Variants in TMEM131 observed in about 807,000 individuals in gnomAD.
The protein encoded by TMEM131 is transmembrane protein 131.
TMEM131 carries 66 observed loss-of-function variants against 211.6 expected under a neutral mutation model. That is an observed-to-expected ratio of 0.31 (90% CI 0.26 to 0.38). TMEM131 has a LOEUF of 0.38. Among genes scored for constraint, TMEM131 ranks in the 10% least tolerant of loss-of-function variants. The pLI, the probability that TMEM131 is intolerant of heterozygous loss-of-function variation, is 1.00. For synonymous variants in TMEM131, 844 were observed against 841.3 expected, an observed-to-expected ratio of 1.00 and a Z score of -0.06; for missense variants, 2,036 against 2,299.3, an observed-to-expected ratio of 0.89 and a Z score of 2.34.
Position 97,757,110 on chromosome 2 carries a change from G to C in TMEM131, c.5641C>G (p.His1881Asp). ...GTTTTTTGCTTAATTTAATTCTCGT[G>C]AGGAAAGTGCGAATTAGACCAAGGG... is the stretch of plus-strand genomic sequence containing the variant. ...SDPWSNSHFP[H>D]EN Residue 1881 changes from histidine (H) to aspartate (D), a missense_variant, in exon 41 of 41, where the codon CAC (histidine) becomes GAC (aspartate). By Grantham distance (81) the His-to-Asp change is moderately conservative. Coordinates refer to ENST00000186436, the MANE Select transcript of TMEM131 (RefSeq NM_015348.2). 4 of 1,593,742 alleles carry C rather than the reference G, an allele frequency of 2.5e-6. No individual in the cohort carries two copies. The highest frequency in any genetic ancestry group is 3.4e-6 in the Non-Finnish European group (4 of 1,166,936).
chr2:97,769,329 TTTTC>T (rs1273825255), intron 33 of TMEM131, among the ~76,000 whole-genome samples: 1 of 152,180 alleles, frequency 6.6e-6, no homozygotes, highest in Non-Finnish European at 1.5e-5. Flanking sequence ...ATAATAATGT[TTTTC>T]TTTTTCTTAA....
At position 97,995,727 on chromosome 2, in the gene TMEM131, G is replaced by T; in HGVS notation, c.-65C>A. On this transcript the variant is annotated 5_prime_UTR_variant, in exon 1 of 41. Coordinates refer to ENST00000186436, the MANE Select transcript of TMEM131 (RefSeq NM_015348.2). ...GGCCCTTCTCGGCGAGGCGGCGGCG[G>T]CGCGGAAGCCGTGGTCCGGGCTCTG... is the stretch of plus-strand genomic sequence containing the variant. 8.9e-7 allele frequency: 1 copy of T among 1,125,962 alleles called. No individual in the cohort carries two copies. The highest frequency in any genetic ancestry group is 1.1e-6 in the Non-Finnish European group (1 of 911,504). 69.7% of individuals were successfully genotyped at this position (1,125,962 alleles called of 1,614,324 possible).
intron 35 of TMEM131, 101 bp downstream of exon 35, chr2:97,766,013 A>G: frequency 2.7e-6 from 4 of 1,457,290 alleles, no homozygotes; most frequent in Non-Finnish European, 2.8e-6. Context: ...AGCACTGTCA[A>G]TGGGTATTTT....
Position 97,812,402 on chromosome 2 carries a change from C to A in TMEM131, c.1863+19G>T, listed in dbSNP as rs773648011. 4.0e-5 allele frequency: 64 copies of A among 1,592,780 alleles called. No individual in the cohort carries two copies. Among genetic ancestry groups the A allele is most frequent in the Non-Finnish European group, 5.4e-5 (63 of 1,172,892 alleles). ...AGACATCCATCTTACTTTAAGGAGA[C>A]AATAGAAAGTTTACTTACCGATGAT... On this transcript the variant is annotated intron_variant, in intron 17 of 40. Coordinates refer to ENST00000186436, the MANE Select transcript of TMEM131 (RefSeq NM_015348.2).
intron 7 of TMEM131, among the ~76,000 whole-genome samples, chr2:97,841,309 G>C (rs902822544): frequency 6.6e-6 from 1 of 152,206 alleles, no homozygotes; most frequent in Non-Finnish European, 1.5e-5. Flanking sequence ...ATTACTGCTA[G>C]AAGATTAGGT....
chr2:97,995,105 G>C (rs1402385158), intron 1 of TMEM131, among the ~76,000 whole-genome samples: 3 of 152,234 alleles, frequency 2.0e-5, no homozygotes, highest in Non-Finnish European at 4.4e-5. Context: ...ACATTTTAAA[G>C]TAAGCTCTGT....
At position 97,809,128 on chromosome 2, in the gene TMEM131, G is replaced by A. The variant is rs559752443; in HGVS notation, c.2055+560C>T. 5.3e-5 allele frequency among the ~76,000 whole-genome samples: 8 copies of A among 152,286 alleles called. No homozygotes were observed. In the South Asian group the frequency reaches 1.2e-3, roughly 24 times the overall value. On this transcript the variant is annotated intron_variant, in intron 19 of 40. Transcript: ENST00000186436. The stretch of plus-strand genomic sequence containing the variant: ...TAAAGCTCAGCTCTGATGATGTCAA[G>A]TCTTCACTCAAAAACTTCATATTCC...
chr2:97,950,106 C>A (rs1678233892), intron 1 of TMEM131, among the ~76,000 whole-genome samples: 1 of 151,992 alleles, frequency 6.6e-6, no homozygotes, highest in Admixed American at 6.6e-5. Flanking sequence ...ACAGAATATC[C>A]AAAATTTCAG....
At chr2:97,766,015 G>A (rs546369038) in intron 35 of TMEM131, 99 bp downstream of exon 35, 1 of 1,460,768 alleles carries the variant, frequency 6.8e-7, no homozygotes, top group South Asian at 1.3e-5. Context: ...CACTGTCAAT[G>A]GGTATTTTAA....
intron 3 of TMEM131, 57 bp downstream of exon 3, chr2:97,908,601 C>A: frequency 7.6e-7 from 1 of 1,312,690 alleles, no homozygotes; most frequent in South Asian, 1.3e-5. Context: ...GGGAGAACCA[C>A]AGGAATCCCC....
At chr2:97,924,453 C>G (rs1030080771) in intron 2 of TMEM131, among the ~76,000 whole-genome samples, 2 of 152,146 alleles carry the variant, frequency 1.3e-5, no homozygotes, top group African/African-American at 4.8e-5. Flanking sequence ...CTCTGGACCT[C>G]CAAGGTCAGG....
At chr2:97,793,094 G>C in intron 30 of TMEM131, 110 bp from the exon 31 acceptor site, 1 of 806,426 alleles carries the variant, frequency 1.2e-6, no homozygotes, top group Non-Finnish European at 1.9e-6. Flanking sequence ...ACTACACTAG[G>C]GAAAAAATAG....
Position 97,841,947 on chromosome 2 carries a change from T to C in TMEM131, c.601-10A>G, listed in dbSNP as rs10197740. ...CTCCAACACCAAATACCTGTTTCAG[T>C]GGAGGAAAAAAATGCAATTTTAGTT... On this transcript the variant is annotated splice_polypyrimidine_tract_variant and intron_variant, in intron 6 of 40. Transcript: ENST00000186436. 5 of 1,519,296 alleles carry C rather than the reference T, an allele frequency of 3.3e-6. No individual in the cohort carries two copies. Among genetic ancestry groups the C allele is most frequent in the Non-Finnish European group, 4.4e-6 (5 of 1,128,912 alleles). 94.1% of individuals were successfully genotyped at this position (1,519,296 alleles called of 1,614,324 possible). A position where few individuals can be genotyped will look rare whatever the true frequency, so the allele number is the denominator to read the frequency against.
At chr2:97,796,432 C>CTAA in intron 27 of TMEM131, 28 bp from the exon 28 acceptor site, 1 of 1,381,804 alleles carries the variant, frequency 7.2e-7, no homozygotes, top group Non-Finnish European at 9.8e-7. Flanking sequence ...AGGAATAAGA[C>CTAA]TAAATCTTGC....
chr2:97,827,068 C>CAA (rs66841026), intron 11 of TMEM131, among the ~76,000 whole-genome samples: 292 of 93,614 alleles, frequency 3.1e-3, no homozygotes, highest in Admixed American at 0.012. Context: ...AAGTGATAAG[C>CAA]AAAAAAAAAA....
intron 1 of TMEM131, among the ~76,000 whole-genome samples, chr2:97,981,266 AT>A (rs1201988008): frequency 6.6e-6 from 1 of 151,630 alleles, no homozygotes; most frequent in African/African-American, 2.4e-5. Flanking sequence ...GTCATTTCCA[AT>A]AGTTTTCATT....
chr2:97,766,247 C>A lies in TMEM131; in HGVS notation c.4590G>T (p.Val1530=). 1 of 1,614,016 alleles carries A rather than the reference C, an allele frequency of 6.2e-7. No individual in the cohort carries two copies. The highest frequency in any genetic ancestry group is 8.5e-7 in the Non-Finnish European group (1 of 1,179,900). The stretch of plus-strand genomic sequence containing the variant: ...TTGCTAGGGCAGGTGGTCTGTTATC[C>A]ACTAACTTACTTGTACCTGCACAAA... ...AQKTKGTSKL[V]DNRPPALAKF... is the part of the protein sequence containing the mutation. Residue 1530 remains valine (V), a synonymous_variant, in exon 35 of 41, where the codon GTG becomes GTT. Coordinates refer to ENST00000186436, the MANE Select transcript of TMEM131 (RefSeq NM_015348.2).
At chr2:97,793,767 G>A (rs556577934) in intron 29 of TMEM131, among the ~76,000 whole-genome samples, 1 of 151,534 alleles carries the variant, frequency 6.6e-6, no homozygotes, top group Non-Finnish European at 1.5e-5. Flanking sequence ...GGCCGAGGCG[G>A]GTGGATCACG....
intron 4 of TMEM131, among the ~76,000 whole-genome samples, chr2:97,861,227 C>T (rs13000585): frequency 0.34 from 51,991 of 151,632 alleles, 9,777 homozygotes; most frequent in Middle Eastern, 0.49. Context: ...CTAAGAGAGT[C>T]CTAGTGCCGT....
Sources: gnomAD v4.1 joint callset for allele counts (sites outside exome capture counted in the v4.1 genomes callset) on GRCh38, gnomAD v4.1.1 for gene constraint, MANE v1.5 for transcripts, NCBI Gene and HGNC (gene_info 2026-07-23, HGNC 2026-07-21) for gene names.